ADAMTS9: variants seen among roughly 807,000 people sequenced by gnomAD.
The protein encoded by ADAMTS9 is A disintegrin and metalloproteinase with thrombospondin motifs 9.
ADAMTS9 carries 107 observed loss-of-function variants against 257.1 expected under a neutral mutation model. The ratio of observed to expected loss-of-function variants is 0.42; its 90% confidence interval spans 0.36 to 0.49. ADAMTS9 has a LOEUF of 0.49. ADAMTS9 is among the 20% of genes least tolerant of loss of function. ADAMTS9 has a pLI of 0.03. For synonymous variants in ADAMTS9, 982 were observed against 880.9 expected, an observed-to-expected ratio of 1.11 and a Z score of -2.03; for missense variants, 2,353 against 2,469.1, an observed-to-expected ratio of 0.95 and a Z score of 1.00.
In ADAMTS9 at chr3:64,687,196, C is replaced by CAA. The variant is rs1166159519; in HGVS notation, c.116-230_116-229dup. Among the ~76,000 whole-genome samples the CAA allele has an allele frequency of 6.6e-6, 1 of 152,078 alleles. No individual in the cohort carries two copies. Among genetic ancestry groups the CAA allele is most frequent in the Non-Finnish European group, 1.5e-5 (1 of 68,022 alleles). ...ATTCCGAGCCAGACAATTAACAAGT[C>CAA]AAAATATATATGATTTCAGATATTG... On this transcript the variant is annotated intron_variant, in intron 1 of 39. Transcript: ENST00000498707. This position sits in a 1 kb window ranked among gnomAD's most constrained non-coding sequence, Gnocchi z 4.4.
chr3:64,680,980 C>T (rs1001624552), intron 3 of ADAMTS9, among the ~76,000 whole-genome samples: 3 of 152,202 alleles, frequency 2.0e-5, no homozygotes, highest in African/African-American at 7.2e-5. Flanking sequence ...CAAATCCTGA[C>T]TTTATAACTT....
At chr3:64,631,753 A>C (rs1450961829) in intron 15 of ADAMTS9, 55 bp downstream of exon 15, 12 of 1,495,162 alleles carry the variant, frequency 8.0e-6, no homozygotes, top group Non-Finnish European at 1.1e-5. Context: ...TGTGGTTAAC[A>C]ATTTTCAAAC....
In ADAMTS9 at chr3:64,612,230, A is replaced by G. The variant is rs113257008; in HGVS notation, c.3354+1115T>C. 1.0e-3 allele frequency among the ~76,000 whole-genome samples: 156 copies of G among 152,310 alleles called. 1 individual carries two copies. Among genetic ancestry groups the G allele is most frequent in the African/African-American group, 3.6e-3 (151 of 41,564 alleles). On this transcript the variant is annotated intron_variant, in intron 22 of 39. Coordinates refer to ENST00000498707, the MANE Select transcript of ADAMTS9 (RefSeq NM_182920.2). Reference sequence around the variant, plus strand: ...AAAAAAAAAGATCTCTAATTATAAGATGTGCTAGGAATGGCCTGGTGTAGA... The same window carrying G: ...AAAAAAAAAGATCTCTAATTATAAGGTGTGCTAGGAATGGCCTGGTGTAGA...
In ADAMTS9 at chr3:64,633,628, C is replaced by A; in HGVS notation, c.2039-20G>T. 1.9e-6 allele frequency: 3 copies of A among 1,614,028 alleles called. No homozygotes were observed. The highest frequency in any genetic ancestry group is 2.5e-6 in the Non-Finnish European group (3 of 1,179,974). Reference sequence around the variant, plus strand: ...TCAGAACTAGAGAGGAGAAACAATACAACTTGACTTTTGTGCCTGGCCTCA... The same window carrying A: ...TCAGAACTAGAGAGGAGAAACAATAAAACTTGACTTTTGTGCCTGGCCTCA... On this transcript the variant is annotated intron_variant, in intron 13 of 39. Coordinates refer to ENST00000498707, the MANE Select transcript of ADAMTS9 (RefSeq NM_182920.2).
chr3:64,615,565 T>C, intron 20 of ADAMTS9, 80 bp from the exon 21 acceptor site: 1 of 1,404,776 alleles, frequency 7.1e-7, no homozygotes, highest in Middle Eastern at 2.6e-4. Flanking sequence ...ATGTTGTCTC[T>C]TCCAGCTCTT....
At chr3:64,551,403 G>T (rs1229026004) in intron 30 of ADAMTS9, among the ~76,000 whole-genome samples, 1 of 152,040 alleles carries the variant, frequency 6.6e-6, no homozygotes, top group African/African-American at 2.4e-5. Context: ...TAGAGACAGG[G>T]TTTCACAGTA....
intron 19 of ADAMTS9, among the ~76,000 whole-genome samples, chr3:64,619,842 T>C (rs988625184): frequency 1.8e-4 from 28 of 152,226 alleles, no homozygotes; most frequent in Admixed American, 2.6e-4. Flanking sequence ...TTCATTTTTT[T>C]CCCCAAACTG....
In ADAMTS9 at chr3:64,687,741, C is replaced by A; in HGVS notation, c.-84G>T. 1 of 1,124,676 alleles carries A rather than the reference C, an allele frequency of 8.9e-7. No individual in the cohort carries two copies. Among genetic ancestry groups the A allele is most frequent in the South Asian group, 2.0e-5 (1 of 51,204 alleles). The allele number at this position is 1,124,676 out of a possible 1,614,324, so 69.7% of individuals were successfully genotyped here. On this transcript the variant is annotated 5_prime_UTR_variant, in exon 1 of 40. Transcript: ENST00000498707. The surrounding 1 kb of genome is among the most constrained non-coding windows in gnomAD (Gnocchi z 4.4). ...TGCGGCGGCGACGCGAGGCAGCGGC[C>A]GTGGAGAGCGCGCGGAGCCCGGCGC...
chr3:64,669,010 T>G (rs569073349), intron 3 of ADAMTS9, among the ~76,000 whole-genome samples: 1 of 152,274 alleles, frequency 6.6e-6, no homozygotes, highest in South Asian at 2.1e-4. Flanking sequence ...AATGTCCATG[T>G]TCCATGACCA....
intron 11 of ADAMTS9, among the ~76,000 whole-genome samples, chr3:64,644,769 A>G (rs1700742952): frequency 6.6e-6 from 1 of 152,160 alleles, no homozygotes; most frequent in African/African-American, 2.4e-5. Flanking sequence ...TCTTTATTCT[A>G]TAGATTTTAC....
At chr3:64,580,157 A>G (rs569289323) in intron 28 of ADAMTS9, among the ~76,000 whole-genome samples, 8 of 152,296 alleles carry the variant, frequency 5.3e-5, no homozygotes, top group African/African-American at 1.4e-4. Flanking sequence ...ATGAAATGCA[A>G]TACTCAAGAA....
At chr3:64,671,764 T>C (rs908848408) in intron 3 of ADAMTS9, among the ~76,000 whole-genome samples, 1 of 152,210 alleles carries the variant, frequency 6.6e-6, no homozygotes, top group Admixed American at 6.5e-5. Flanking sequence ...CTTTTTGTGA[T>C]ATTCAGATTA....
intron 24 of ADAMTS9, 37 bp from the exon 25 acceptor site, chr3:64,604,126 T>G: frequency 6.2e-7 from 1 of 1,611,428 alleles, no homozygotes; most frequent in Non-Finnish European, 8.5e-7. Context: ...TTATATTACG[T>G]GGAATGGCTG....
At chr3:64,617,883 G>C (rs764236429) in intron 19 of ADAMTS9, among the ~76,000 whole-genome samples, 1 of 152,150 alleles carries the variant, frequency 6.6e-6, no homozygotes, top group Non-Finnish European at 1.5e-5. Context: ...CTATTTCAGA[G>C]TTTGACCAAT....
chr3:64,544,577 C>T (rs1397037590), intron 32 of ADAMTS9, among the ~76,000 whole-genome samples: 1 of 152,064 alleles, frequency 6.6e-6, no homozygotes, highest in African/African-American at 2.4e-5. Flanking sequence ...AAAGCTGAAA[C>T]TGGATCCCTT....
intron 22 of ADAMTS9, among the ~76,000 whole-genome samples, chr3:64,612,570 G>C (rs1460347454): frequency 6.6e-6 from 1 of 152,178 alleles, no homozygotes; most frequent in Non-Finnish European, 1.5e-5. Context: ...GAGGCTAAAA[G>C]ACTGAGTGGC....
At chr3:64,578,102 C>A (rs1015442892) in intron 28 of ADAMTS9, among the ~76,000 whole-genome samples, 6 of 152,114 alleles carry the variant, frequency 3.9e-5, no homozygotes, top group Non-Finnish European at 8.8e-5. Context: ...CGTGTCTGAG[C>A]CTGTATCCAG....
chr3:64,621,362 A>G, intron 18 of ADAMTS9, 122 bp from the exon 19 acceptor site: 1 of 1,179,208 alleles, frequency 8.5e-7, no homozygotes, highest in Middle Eastern at 2.9e-4. Context: ...AGAGCGTATG[A>G]TCTCTGTTGC....
chr3:64,568,310 G>C, intron 29 of ADAMTS9, 58 bp downstream of exon 29: 3 of 1,551,444 alleles, frequency 1.9e-6, no homozygotes, highest in Non-Finnish European at 2.6e-6. Context: ...GAACACACTG[G>C]GGTCAGCCAC....
Sources: allele counts gnomAD v4.1 joint callset (sites outside exome capture counted in the v4.1 genomes callset), GRCh38; gene constraint gnomAD v4.1.1; non-coding constraint Gnocchi (gnomAD v3.1); transcripts MANE v1.5; gene names NCBI Gene and HGNC (gene_info 2026-07-23, HGNC 2026-07-21).